IMPA2: variants seen among roughly 807,000 people sequenced by gnomAD.
The protein encoded by IMPA2 is IMP 2.
A neutral mutation model predicts 35.1 loss-of-function variants in IMPA2; 32 were observed. The observed-to-expected ratio is 0.91, with a 90% CI of 0.69 to 1.23. The LOEUF is 1.23. Ranked by LOEUF, IMPA2 falls within the 50% of genes most tolerant of loss-of-function variation. The pLI is 0.00. For missense variants in IMPA2, 334 were observed against 387.6 expected, an observed-to-expected ratio of 0.86 and a Z score of 1.16; for synonymous variants, 135 against 160.6, an observed-to-expected ratio of 0.84 and a Z score of 1.20.
chr18:12,024,388 A>G (rs879588831), intron 5 of IMPA2, among the ~76,000 whole-genome samples: 36 of 148,736 alleles, frequency 2.4e-4, no homozygotes, highest in African/African-American at 2.5e-4. Flanking sequence ...GGAGGCTGAG[A>G]CAAGAGAACT....
At chr18:11,994,734 C>T (rs1329794777) in intron 1 of IMPA2, 1 of 152,476 alleles carries the variant, frequency 6.6e-6, no homozygotes, top group Non-Finnish European at 1.5e-5. Flanking sequence ...AGGCAGCCCC[C>T]ATGCAGGGTG....
At chr18:12,015,396 G>A (rs553442056) in intron 5 of IMPA2, among the ~76,000 whole-genome samples, 12 of 152,214 alleles carry the variant, frequency 7.9e-5, no homozygotes, top group Admixed American at 2.6e-4. Flanking sequence ...CCTGGCTGAT[G>A]CCTGTGTGCC....
chr18:12,029,997 C>T (rs1293524127), intron 7 of IMPA2, among the ~76,000 whole-genome samples: 1 of 152,244 alleles, frequency 6.6e-6, no homozygotes, highest in Non-Finnish European at 1.5e-5. Flanking sequence ...CCCCTGTGCA[C>T]AGTCAAGCTT....
chr18:12,024,468 A>G (rs1907823232), intron 5 of IMPA2, among the ~76,000 whole-genome samples: 1 of 151,654 alleles, frequency 6.6e-6, no homozygotes, highest in Non-Finnish European at 1.5e-5. Context: ...TGAGTGACAG[A>G]GCAAGACTCC....
At chr18:12,021,502 T>C (rs1460202378) in intron 5 of IMPA2, among the ~76,000 whole-genome samples, 1 of 152,172 alleles carries the variant, frequency 6.6e-6, no homozygotes, top group Non-Finnish European at 1.5e-5. Context: ...CACAACTGCC[T>C]CTTACTCTGT....
intron 5 of IMPA2, chr18:12,017,523 C>G (rs559320288): frequency 3.2e-6 from 1 of 315,972 alleles, no homozygotes; most frequent in Admixed American, 4.6e-5. Context: ...GGGGGGACTT[C>G]CTGTTCCTGG....
chr18:11,987,059 C>G lies in IMPA2; in HGVS notation c.96+5294C>G, dbSNP rs531513646. ...TTCCCAGCAGGATTTTTCATGATCT[C>G]CTTGGTGTGGTCACACTCCTTGGGT... On this transcript the variant is annotated intron_variant, in intron 1 of 7. Transcript: ENST00000269159. Among the ~76,000 whole-genome samples, 7 of 152,302 alleles carry G rather than the reference C, an allele frequency of 4.6e-5. No homozygotes were observed. In the East Asian group the frequency reaches 1.2e-3, roughly 25 times the overall value.
At chr18:12,001,007 G>A (rs113465443) in intron 2 of IMPA2, among the ~76,000 whole-genome samples, 4,933 of 151,188 alleles carry the variant, frequency 0.033, 300 homozygotes, top group African/African-American at 0.11. Flanking sequence ...TGAGGCGGGC[G>A]GATCACGAGT....
intron 1 of IMPA2, among the ~76,000 whole-genome samples, chr18:11,988,777 A>T (rs1434590659): frequency 6.6e-6 from 1 of 152,180 alleles, no homozygotes; most frequent in Non-Finnish European, 1.5e-5. Context: ...ACAGGTTTGG[A>T]GCTGAGAGTC....
intron 6 of IMPA2, chr18:12,028,475 C>G (rs1326839969): frequency 1.4e-5 from 6 of 435,530 alleles, no homozygotes; most frequent in Non-Finnish European, 2.5e-5. Flanking sequence ...TTATCAAAGC[C>G]CAGTGAATCC....
intron 5 of IMPA2, among the ~76,000 whole-genome samples, chr18:12,019,202 T>A (rs983880524): frequency 6.6e-6 from 1 of 152,130 alleles, no homozygotes; most frequent in Non-Finnish European, 1.5e-5. Context: ...TAAATCTCTT[T>A]TCAGATAACT....
At chr18:12,002,999 C>G (rs1907154879) in intron 2 of IMPA2, among the ~76,000 whole-genome samples, 1 of 151,802 alleles carries the variant, frequency 6.6e-6, no homozygotes, top group East Asian at 1.9e-4. Context: ...TCGAGACCAG[C>G]CTGGCCAACA....
chr18:12,007,678 TC>T (rs66645137), intron 2 of IMPA2, among the ~76,000 whole-genome samples: 3,372 of 87,992 alleles, frequency 0.038, 123 homozygotes, highest in African/African-American at 0.13. Flanking sequence ...TTTCTTTCTT[TC>T]CTTTCTTTCC....
At chr18:11,997,053 A>ATACC (rs1416131518) in intron 1 of IMPA2, among the ~76,000 whole-genome samples, 2 of 152,010 alleles carry the variant, frequency 1.3e-5, no homozygotes, top group Non-Finnish European at 2.9e-5. Flanking sequence ...GACTCCCCCC[A>ATACC]TACCACATGA....
chr18:11,993,754 G>A (rs371364248), intron 1 of IMPA2, among the ~76,000 whole-genome samples: 19 of 152,342 alleles, frequency 1.2e-4, no homozygotes, highest in South Asian at 6.2e-4. Context: ...GGCAGAAGGT[G>A]GCCAGGGATG....
intron 5 of IMPA2, among the ~76,000 whole-genome samples, chr18:12,025,988 T>C (rs2143826216): frequency 6.6e-6 from 1 of 152,336 alleles, no homozygotes; most frequent in Middle Eastern, 3.4e-3. Context: ...AATTTTAATT[T>C]AACACGCATT....
At chr18:12,002,318 C>T (rs1907135182) in intron 2 of IMPA2, among the ~76,000 whole-genome samples, 1 of 152,228 alleles carries the variant, frequency 6.6e-6, no homozygotes, top group South Asian at 2.1e-4. Context: ...TGATTTTAGT[C>T]TTTCATGAAA....
chr18:12,026,252 T>C (rs1907879940), intron 5 of IMPA2, among the ~76,000 whole-genome samples: 2 of 151,678 alleles, frequency 1.3e-5, no homozygotes, highest in Admixed American at 6.6e-5. Context: ...AGGCTGGTCT[T>C]GAACTCCCAG....
At chr18:12,005,505 T>C (rs1429682949) in intron 2 of IMPA2, among the ~76,000 whole-genome samples, 1 of 150,750 alleles carries the variant, frequency 6.6e-6, no homozygotes, top group Non-Finnish European at 1.5e-5. Flanking sequence ...AAAAAAAATT[T>C]CTAAAAGTAC....
Sources: allele counts gnomAD v4.1 joint callset (sites outside exome capture counted in the v4.1 genomes callset), GRCh38; gene constraint gnomAD v4.1.1; transcripts MANE v1.5; gene names NCBI Gene and HGNC (gene_info 2026-07-23, HGNC 2026-07-21).